The following PEBP4 variants were observed in gnomAD, a reference collection of about 807,000 sequenced individuals.
PEBP4 encodes phosphatidylethanolamine-binding protein 4.
PEBP4 carries 22 observed loss-of-function variants against 23.9 expected under a neutral mutation model. That is an observed-to-expected ratio of 0.92 (90% CI 0.66 to 1.31). PEBP4 has a LOEUF of 1.31. Among genes scored for constraint, PEBP4 ranks in the 40% most tolerant of loss-of-function variants. The pLI, the probability that PEBP4 is intolerant of heterozygous loss-of-function variation, is 0.00. For missense variants in PEBP4, 324 were observed against 281.7 expected (o/e 1.15, Z -1.07); for synonymous variants, 112 against 99.3 (o/e 1.13, Z -0.76).
intron 3 of PEBP4, among the ~76,000 whole-genome samples, chr8:22,898,511 C>G (rs769504741): frequency 5.3e-5 from 8 of 151,636 alleles, no homozygotes; most frequent in Non-Finnish European, 1.2e-4. Context: ...ATCCTCCCAG[C>G]CAGCCATCAG....
intron 3 of PEBP4, chr8:22,883,899 T>C (rs1412112164): frequency 1.3e-5 from 2 of 151,520 alleles, no homozygotes; most frequent in East Asian, 1.9e-4. Context: ...TTGCGGGGGA[T>C]ACAAAAAAAA....
chr8:22,806,432 C>G (rs779036162), intron 4 of PEBP4, among the ~76,000 whole-genome samples: 5 of 151,832 alleles, frequency 3.3e-5, no homozygotes, highest in Non-Finnish European at 7.4e-5. Flanking sequence ...GCCTGGCCAA[C>G]AAGGTGAAAC....
intron 4 of PEBP4, chr8:22,747,463 C>T (rs557858948): frequency 3.3e-5 from 5 of 152,308 alleles, no homozygotes; most frequent in Admixed American, 2.0e-4. Flanking sequence ...TCTCTGTGGC[C>T]TCTTCAGTAA....
intron 3 of PEBP4, among the ~76,000 whole-genome samples, chr8:22,824,038 C>G (rs1451519981): frequency 1.3e-5 from 2 of 151,866 alleles, no homozygotes; most frequent in Admixed American, 1.3e-4. Flanking sequence ...TCTATAATGT[C>G]ATTGTCTATT....
At chr8:22,802,818 C>T (rs556933068) in intron 4 of PEBP4, among the ~76,000 whole-genome samples, 9 of 152,204 alleles carry the variant, frequency 5.9e-5, no homozygotes, top group East Asian at 1.9e-4. Context: ...AAAGAAAAGT[C>T]GAGGGCTGCT....
chr8:22,727,107 A>G lies in PEBP4; in HGVS notation c.403+68T>C, dbSNP rs17088597. The G allele has an allele frequency of 6.5e-3, 10,108 of 1,545,772 alleles. 590 individuals are homozygous for G. In the African/African-American group the frequency reaches 0.12, roughly 19 times the overall value. On this transcript the variant is annotated intron_variant, in intron 5 of 6. Transcript: ENST00000256404. ...TAGCACACGACAAAGCAGCACCATG[A>G]GGTTTTGATTCCTGTGATCGTCACT...
intron 4 of PEBP4, among the ~76,000 whole-genome samples, chr8:22,802,350 G>A (rs775073044): frequency 6.2e-5 from 9 of 145,442 alleles, no homozygotes; most frequent in Non-Finnish European, 1.2e-4. Flanking sequence ...TCTCTCACCC[G>A]GCACTCCTGG....
intron 3 of PEBP4, among the ~76,000 whole-genome samples, chr8:22,896,500 C>G (rs1326103681): frequency 1.3e-5 from 2 of 152,298 alleles, no homozygotes; most frequent in Non-Finnish European, 2.9e-5. Context: ...CACTCAGGCG[C>G]ACTCCTACTC....
chr8:22,840,187 T>C (rs1807293979), intron 3 of PEBP4, among the ~76,000 whole-genome samples: 1 of 152,128 alleles, frequency 6.6e-6, no homozygotes, highest in African/African-American at 2.4e-5. Flanking sequence ...CGGTTCAGGT[T>C]TCGGATAGAT....
At position 22,921,914 on chromosome 8, in the gene PEBP4, C is replaced by T. The variant is rs146624116; in HGVS notation, c.132-1604G>A. 7.2e-3 allele frequency among the ~76,000 whole-genome samples: 1,104 copies of T among 152,336 alleles called. 17 individuals are homozygous for T. The highest frequency in any genetic ancestry group is 0.025 in the African/African-American group (1,056 of 41,576). On this transcript the variant is annotated intron_variant, in intron 2 of 6. Transcript: ENST00000256404. ...CAAGGGCAGAGAGACAGACAGCAAA[C>T]AGCACAGGATGGGAAAACTGAGAGG...
chr8:22,831,087 C>G (rs1489368301), intron 3 of PEBP4, among the ~76,000 whole-genome samples: 1 of 152,138 alleles, frequency 6.6e-6, no homozygotes, highest in African/African-American at 2.4e-5. Flanking sequence ...GCTCCCTCCC[C>G]ACTCATCACC....
In PEBP4 at chr8:22,919,889, C is replaced by T. The variant is rs545553297; in HGVS notation, c.258+295G>A. On this transcript the variant is annotated intron_variant, in intron 3 of 6. Transcript: ENST00000256404. ...AGCTGGTCTCCACCAGGCTTGGGGT[C>T]CCAGATCTCAGGGGCAGCCAAGGAG... Among the ~76,000 whole-genome samples the T allele has an allele frequency of 1.0e-3, 157 of 152,166 alleles. 2 individuals are homozygous for T. Among genetic ancestry groups the T allele is most frequent in the Non-Finnish European group, 2.5e-4 (17 of 68,028 alleles).
At chr8:22,804,893 C>T (rs548505573) in intron 4 of PEBP4, among the ~76,000 whole-genome samples, 7 of 152,324 alleles carry the variant, frequency 4.6e-5, no homozygotes, top group East Asian at 3.9e-4. Flanking sequence ...TTCTGGAACA[C>T]GCCAGCTCCT....
chr8:22,872,298 G>A (rs555238287), intron 3 of PEBP4, among the ~76,000 whole-genome samples: 1 of 152,328 alleles, frequency 6.6e-6, no homozygotes, highest in South Asian at 2.1e-4. Flanking sequence ...TGTGTGTACT[G>A]CACAGTGGCC....
intron 2 of PEBP4, among the ~76,000 whole-genome samples, chr8:22,923,559 G>A (rs1294854841): frequency 6.6e-6 from 1 of 152,052 alleles, no homozygotes. Flanking sequence ...AGAGGGTGAT[G>A]CACTGAGACC....
At chr8:22,833,036 C>T (rs1807119422) in intron 3 of PEBP4, among the ~76,000 whole-genome samples, 1 of 152,222 alleles carries the variant, frequency 6.6e-6, no homozygotes, top group South Asian at 2.1e-4. Context: ...CCTGCTTACC[C>T]TGTCTCACCC....
At chr8:22,746,393 G>A (rs1190710375) in intron 4 of PEBP4, among the ~76,000 whole-genome samples, 2 of 152,182 alleles carry the variant, frequency 1.3e-5, no homozygotes, top group Admixed American at 1.3e-4. Context: ...CGGTGTCTGT[G>A]ATTCTGGGCT....
At chr8:22,899,400 G>T (rs1808665281) in intron 3 of PEBP4, among the ~76,000 whole-genome samples, 3 of 152,232 alleles carry the variant, frequency 2.0e-5, no homozygotes, top group Admixed American at 2.0e-4. Context: ...GTCCCAAAGG[G>T]CTTCCATGAG....
At chr8:22,850,228 C>T (rs995750734) in intron 3 of PEBP4, among the ~76,000 whole-genome samples, 2 of 152,166 alleles carry the variant, frequency 1.3e-5, no homozygotes, top group African/African-American at 4.8e-5. Context: ...AATGCCTCCC[C>T]TGGTTTAGGG....
Sources: gnomAD v4.1 joint callset for allele counts (sites outside exome capture counted in the v4.1 genomes callset) on GRCh38, gnomAD v4.1.1 for gene constraint, MANE v1.5 for transcripts, NCBI Gene and HGNC (gene_info 2026-07-23, HGNC 2026-07-21) for gene names.